Variants in PHKB observed in about 807,000 individuals in gnomAD.
PHKB encodes phosphorylase kinase regulatory subunit beta, also known as phosphorylase b kinase regulatory subunit beta.
In PHKB, 122 loss-of-function variants were observed where a neutral mutation model predicts 152.1. That is an observed-to-expected ratio of 0.80 (90% CI 0.69 to 0.93). The LOEUF is 0.93. Ranked by LOEUF, PHKB falls within the 40% of genes least tolerant of loss-of-function variation. The pLI is 0.00. For synonymous variants in PHKB, 436 were observed against 464.9 expected (o/e 0.94, Z 0.80); for missense variants, 1,304 against 1,328.4 (o/e 0.98, Z 0.29).
intron 7 of PHKB, among the ~76,000 whole-genome samples, chr16:47,551,227 G>C (rs981404955): frequency 2.0e-5 from 3 of 152,002 alleles, no homozygotes; most frequent in African/African-American, 7.2e-5. Context: ...GTTCTGCTCT[G>C]ATCTTAGTTA....
rs1322527832 is a variant in PHKB, at chr16:47,669,242, GA to G, written c.2457del (p.Glu820LysfsTer11). The G allele has an allele frequency of 6.2e-6, 10 of 1,612,534 alleles. No homozygotes were observed. Among genetic ancestry groups the G allele is most frequent in the Non-Finnish European group, 8.5e-6 (10 of 1,179,606 alleles). ...AACTCTGGGTGCCTTTGGGCATGAA[GA>G]AGAAGTTATCTCTAATCCTTTGTCT... ...QVTLGAFGHEEEVISNPLSPR... is the reference protein window; with the variant it reads ...QVTLGAFGHEXEVISNPLSPR... On this transcript the variant is annotated frameshift_variant, in exon 26 of 31. Coordinates refer to ENST00000323584, the MANE Select transcript of PHKB (RefSeq NM_000293.3). LOFTEE classifies it high-confidence loss of function.
chr16:47,559,671 C>T (rs1212706135), intron 7 of PHKB, among the ~76,000 whole-genome samples: 1 of 152,026 alleles, frequency 6.6e-6, no homozygotes, highest in Non-Finnish European at 1.5e-5. Context: ...GCTCCAAGGC[C>T]CAGAATCCCA....
At chr16:47,549,961 A>G (rs7194249) in intron 7 of PHKB, among the ~76,000 whole-genome samples, 10,534 of 152,206 alleles carry the variant, frequency 0.069, 612 homozygotes, top group African/African-American at 0.16. Context: ...TTTTGTTCAA[A>G]TGGATGAGAG....
intron 7 of PHKB, among the ~76,000 whole-genome samples, chr16:47,559,278 G>T (rs893345741): frequency 1.3e-5 from 2 of 152,084 alleles, no homozygotes; most frequent in African/African-American, 4.8e-5. Context: ...ACCGTAATTT[G>T]GTTACTATTT....
At chr16:47,633,599 A>G (rs1972864985) in intron 14 of PHKB, among the ~76,000 whole-genome samples, 1 of 152,198 alleles carries the variant, frequency 6.6e-6, no homozygotes, top group Admixed American at 6.5e-5. Flanking sequence ...GGAGGAGACT[A>G]GGTTAAAAGA....
At chr16:47,532,455 G>A (rs935049748) in intron 6 of PHKB, among the ~76,000 whole-genome samples, 4 of 152,166 alleles carry the variant, frequency 2.6e-5, no homozygotes, top group African/African-American at 9.7e-5. Flanking sequence ...CATTCCACTT[G>A]GCTCATGCTA....
intron 14 of PHKB, among the ~76,000 whole-genome samples, chr16:47,621,765 A>T (rs1972621789): frequency 6.6e-6 from 1 of 152,202 alleles, no homozygotes; most frequent in East Asian, 1.9e-4. Flanking sequence ...CCTAGCCTGA[A>T]TATGCCACAG....
chr16:47,485,062 T>A (rs1326587475), intron 1 of PHKB, among the ~76,000 whole-genome samples: 2 of 152,226 alleles, frequency 1.3e-5, no homozygotes, highest in Admixed American at 1.3e-4. Context: ...CCTAGGATCA[T>A]GCTAAACATC....
At position 47,463,965 on chromosome 16, in the gene PHKB, C is replaced by G; in HGVS notation, c.76+2539C>G. 2 of 1,613,804 alleles carry G rather than the reference C, an allele frequency of 1.2e-6. No homozygotes were observed. Among genetic ancestry groups the G allele is most frequent in the East Asian group, 4.5e-5 (2 of 44,876 alleles). ...TGGCCTGCTCACCTGATGCAGTCGTCTCTCCGTCTTCCGCTTTCTTAAGGT... is the reference window on the plus strand; with the variant it reads ...TGGCCTGCTCACCTGATGCAGTCGTGTCTCCGTCTTCCGCTTTCTTAAGGT... On this transcript the variant is annotated intron_variant, in intron 1 of 30. Transcript: ENST00000323584.
intron 2 of PHKB, among the ~76,000 whole-genome samples, chr16:47,499,282 C>T (rs2151642561): frequency 6.6e-6 from 1 of 152,278 alleles, no homozygotes. Context: ...TGATCTTCCC[C>T]TCGCCCTTCC....
At chr16:47,510,796 C>A (rs1970497486) in intron 4 of PHKB, among the ~76,000 whole-genome samples, 1 of 152,124 alleles carries the variant, frequency 6.6e-6, no homozygotes, top group African/African-American at 2.4e-5. Flanking sequence ...AGCAAGAATG[C>A]AACCACTTAG....
intron 20 of PHKB, among the ~76,000 whole-genome samples, chr16:47,651,893 G>T (rs1230206311): frequency 6.6e-6 from 1 of 151,860 alleles, no homozygotes; most frequent in Non-Finnish European, 1.5e-5. Context: ...CAATTTCTTT[G>T]ATTTTTATCT....
chr16:47,475,083 G>A (rs765361247), intron 1 of PHKB, among the ~76,000 whole-genome samples: 47 of 152,008 alleles, frequency 3.1e-4, no homozygotes, highest in African/African-American at 9.4e-4. Flanking sequence ...TTTATAATTC[G>A]CATCTAAACT....
At chr16:47,629,735 T>C (rs778835330) in intron 14 of PHKB, among the ~76,000 whole-genome samples, 1 of 152,216 alleles carries the variant, frequency 6.6e-6, no homozygotes, top group Non-Finnish European at 1.5e-5. Flanking sequence ...GTATGTTTAT[T>C]GCGGCATTAT....
At chr16:47,491,254 G>GT (rs1970145567) in intron 1 of PHKB, among the ~76,000 whole-genome samples, 2 of 152,070 alleles carry the variant, frequency 1.3e-5, no homozygotes, top group Non-Finnish European at 2.9e-5. Context: ...TTGTAAGGAA[G>GT]TATATGTCCC....
chr16:47,587,967 C>A (rs1234021705), intron 9 of PHKB, among the ~76,000 whole-genome samples: 1 of 152,046 alleles, frequency 6.6e-6, no homozygotes, highest in Non-Finnish European at 1.5e-5. Context: ...GCTGCTTTGG[C>A]CTTTGAATCT....
At chr16:47,523,704 C>T (rs1343041161) in intron 6 of PHKB, among the ~76,000 whole-genome samples, 1 of 152,128 alleles carries the variant, frequency 6.6e-6, no homozygotes, top group Non-Finnish European at 1.5e-5. Context: ...ACACTTCATC[C>T]CCCAGGTTTA....
chr16:47,572,666 G>A (rs886434488), intron 7 of PHKB, among the ~76,000 whole-genome samples: 2 of 152,208 alleles, frequency 1.3e-5, no homozygotes, highest in Non-Finnish European at 2.9e-5. Flanking sequence ...AACTCTGATG[G>A]TGGCAGTAGG....
intron 14 of PHKB, among the ~76,000 whole-genome samples, chr16:47,613,732 G>C (rs1048230887): frequency 6.6e-6 from 1 of 152,052 alleles, no homozygotes; most frequent in African/African-American, 2.4e-5. Flanking sequence ...TCACCATAAG[G>C]CTTCCTTGTG....
Sources: allele counts gnomAD v4.1 joint callset (sites outside exome capture counted in the v4.1 genomes callset), GRCh38; gene constraint gnomAD v4.1.1; transcripts MANE v1.5; gene names NCBI Gene and HGNC (gene_info 2026-07-23, HGNC 2026-07-21).